The following CEP83 variants were observed in gnomAD, a reference collection of about 807,000 sequenced individuals.
CEP83 encodes the protein centrosomal protein of 83 kDa.
In CEP83, 70 loss-of-function variants were observed where a neutral mutation model predicts 101.9. That is an observed-to-expected ratio of 0.69 (90% CI 0.57 to 0.84). The LOEUF (loss-of-function observed/expected upper bound fraction) is 0.84. CEP83 is among the 40% of genes least tolerant of loss of function. The pLI is 0.00. For synonymous variants in CEP83, 264 were observed against 267.9 expected, an observed-to-expected ratio of 0.99 and a Z score of 0.14; for missense variants, 715 against 787.2, an observed-to-expected ratio of 0.91 and a Z score of 1.10.
intron 6 of CEP83, among the ~76,000 whole-genome samples, chr12:94,386,511 T>C (rs1378425539): frequency 6.6e-6 from 1 of 152,208 alleles, no homozygotes; most frequent in Non-Finnish European, 1.5e-5. Flanking sequence ...TCAAAGATCA[T>C]GTAGCTCAAT....
chr12:94,324,308 G>C (rs2058874427), intron 14 of CEP83, among the ~76,000 whole-genome samples: 1 of 152,168 alleles, frequency 6.6e-6, no homozygotes, highest in South Asian at 2.1e-4. Context: ...TTCATTAATA[G>C]ATACAGGACT....
chr12:94,447,839 A>C (rs2066919670), intron 1 of CEP83, among the ~76,000 whole-genome samples: 3 of 152,132 alleles, frequency 2.0e-5, no homozygotes, highest in African/African-American at 7.2e-5. Context: ...AAAGAAATCA[A>C]CAGAAATAAA....
At chr12:94,410,931 T>C (rs1050671549) in intron 4 of CEP83, among the ~76,000 whole-genome samples, 1 of 152,198 alleles carries the variant, frequency 6.6e-6, no homozygotes, top group African/African-American at 2.4e-5. Context: ...TTGGGTGATA[T>C]GCCAGACTAG....
At position 94,412,383 on chromosome 12, in the gene CEP83, A is replaced by G; in HGVS notation, c.108T>C (p.Ile36=). 2 of 1,613,086 alleles carry G rather than the reference A, an allele frequency of 1.2e-6. No homozygotes were observed. The highest frequency in any genetic ancestry group is 1.7e-6 in the Non-Finnish European group (2 of 1,179,494). Residue 36 remains isoleucine, a synonymous_variant, in exon 3 of 17, where the codon ATT becomes ATC. Transcript: ENST00000397809. ...GATGCTCACATCGTAACCTTTCATC[A>G]ATTAACATTTTCTGGAACTCCGACT... ...GSQSEFQKML[I]DERLRCEHHK...
intron 2 of CEP83, among the ~76,000 whole-genome samples, chr12:94,432,487 A>T (rs1444567958): frequency 2.0e-5 from 3 of 152,166 alleles, no homozygotes; most frequent in African/African-American, 7.2e-5. Flanking sequence ...AAGTGAAATA[A>T]GCCAGGCACA....
At chr12:94,384,373 T>A (rs1035610457) in intron 6 of CEP83, among the ~76,000 whole-genome samples, 4 of 151,522 alleles carry the variant, frequency 2.6e-5, no homozygotes, top group African/African-American at 9.7e-5. Context: ...TTTCCTATAG[T>A]TTTTTTTTAA....
chr12:94,374,071 A>G (rs1452315337), intron 8 of CEP83, among the ~76,000 whole-genome samples: 1 of 152,232 alleles, frequency 6.6e-6, no homozygotes, highest in African/African-American at 2.4e-5. Flanking sequence ...ATAAACAAGC[A>G]CAGAGAAATA....
At chr12:94,398,151 C>T (rs1218942825) in intron 6 of CEP83, among the ~76,000 whole-genome samples, 5 of 152,200 alleles carry the variant, frequency 3.3e-5, no homozygotes, top group Admixed American at 6.5e-5. Flanking sequence ...TGGTCTCCCC[C>T]ACTCCTTCTT....
intron 1 of CEP83, among the ~76,000 whole-genome samples, chr12:94,457,734 T>A (rs2067792634): frequency 1.3e-5 from 2 of 152,230 alleles, no homozygotes; most frequent in Admixed American, 1.3e-4. Context: ...AGTCATTTAG[T>A]CTCATCATGT....
At chr12:94,279,172 A>G in the CEP83 span, among the ~76,000 whole-genome samples, 1 of 152,176 alleles carries the variant, frequency 6.6e-6, no homozygotes, top group African/African-American at 2.4e-5. Flanking sequence ...TTTGAGGAGA[A>G]ATTAGAAATC....
At chr12:94,405,798 A>G (rs934809531) in intron 4 of CEP83, among the ~76,000 whole-genome samples, 18 of 152,202 alleles carry the variant, frequency 1.2e-4, no homozygotes, top group Non-Finnish European at 4.4e-5. Flanking sequence ...TGAGGAGATG[A>G]AACTGAGCAT....
intron 11 of CEP83, among the ~76,000 whole-genome samples, chr12:94,353,856 G>GT (rs1368609714): frequency 3.8e-5 from 4 of 104,712 alleles, no homozygotes; most frequent in East Asian, 2.3e-4. Context: ...AAAAAGAACT[G>GT]TAAAAAAAAA....
chr12:94,284,087 G>GGAAAA, the CEP83 span, among the ~76,000 whole-genome samples: 8 of 82,694 alleles, frequency 9.7e-5, no homozygotes, highest in Non-Finnish European at 1.5e-4. Flanking sequence ...CATGTCAGGG[G>GGAAAA]AAAAAAAAAA....
the CEP83 span, among the ~76,000 whole-genome samples, chr12:94,288,432 G>A: frequency 6.6e-6 from 1 of 152,226 alleles, no homozygotes; most frequent in African/African-American, 2.4e-5. Flanking sequence ...TCAGGAGGAA[G>A]ACAGTCTCAG....
chr12:94,286,758 T>C, the CEP83 span, among the ~76,000 whole-genome samples: 1 of 152,242 alleles, frequency 6.6e-6, no homozygotes, highest in African/African-American at 2.4e-5. Context: ...CAGTTCCTCC[T>C]ACTATCTAAA....
the CEP83 span, among the ~76,000 whole-genome samples, chr12:94,270,777 TA>T: frequency 6.7e-6 from 1 of 148,642 alleles, no homozygotes; most frequent in East Asian, 2.0e-4. Flanking sequence ...TTTTTTTTTT[TA>T]AATGGAAAAA....
At chr12:94,279,982 C>T in the CEP83 span, 3 of 426,374 alleles carry the variant, frequency 7.0e-6, no homozygotes, top group African/African-American at 4.0e-5. Context: ...GGTGTCAACA[C>T]AGTGCCCTCT....
chr12:94,445,252 T>C (rs1483292109), intron 1 of CEP83, among the ~76,000 whole-genome samples: 1 of 147,756 alleles, frequency 6.8e-6, no homozygotes, highest in Non-Finnish European at 1.5e-5. Flanking sequence ...CAAATGGTCC[T>C]GGAACAATTG....
At chr12:94,319,682 A>AT (rs796107751) in intron 14 of CEP83, among the ~76,000 whole-genome samples, 9 of 152,184 alleles carry the variant, frequency 5.9e-5, no homozygotes, top group African/African-American at 1.9e-4. Context: ...TTGAGCAATT[A>AT]TATTTTTAGT....
Sources: gnomAD v4.1 joint callset for allele counts (sites outside exome capture counted in the v4.1 genomes callset) on GRCh38, gnomAD v4.1.1 for gene constraint, MANE v1.5 for transcripts, NCBI Gene and HGNC (gene_info 2026-07-23, HGNC 2026-07-21) for gene names.